The following LRBA variants were observed in gnomAD, a reference collection of about 807,000 sequenced individuals.
LRBA encodes lipopolysaccharide-responsive and beige-like anchor protein.
In LRBA, 176 loss-of-function variants were observed where a neutral mutation model predicts 330.0. That is an observed-to-expected ratio of 0.53 (90% confidence interval 0.47 to 0.60). LRBA has a LOEUF of 0.60. LRBA is among the 20% of genes least tolerant of loss of function. The probability of loss-of-function intolerance (pLI) is 0.00; values close to 1 mark genes in which losing one functional copy is unlikely to be tolerated. For synonymous variants in LRBA, 1,230 were observed against 1,193.0 expected (o/e 1.03, Z -0.64); for missense variants, 3,259 against 3,444.8 (o/e 0.95, Z 1.35).
At chr4:150,848,442 G>T (rs1303467499) in intron 26 of LRBA, among the ~76,000 whole-genome samples, 1 of 151,672 alleles carries the variant, frequency 6.6e-6, no homozygotes, top group Non-Finnish European at 1.5e-5. Context: ...AGCAAAAAGA[G>T]ATAGGGGAGC....
intron 2 of LRBA, among the ~76,000 whole-genome samples, chr4:150,981,410 CA>C (rs58638225): frequency 0.76 from 80,693 of 106,378 alleles, 29,634 homozygotes; most frequent in East Asian, 0.93. Flanking sequence ...GAGACTGTCT[CA>C]AAAAAAAAAA....
intron 36 of LRBA, among the ~76,000 whole-genome samples, chr4:150,719,268 C>G (rs1158582679): frequency 1.3e-5 from 2 of 151,958 alleles, no homozygotes; most frequent in East Asian, 3.9e-4. Context: ...CTCCATCATT[C>G]TCTCTCATTC....
At chr4:150,541,870 A>G (rs904931891) in intron 40 of LRBA, among the ~76,000 whole-genome samples, 4 of 152,080 alleles carry the variant, frequency 2.6e-5, no homozygotes, top group Non-Finnish European at 4.4e-5. Context: ...TTTTTTGTAG[A>G]GGCAGTGTCT....
chr4:150,488,519 A>G (rs1192768761), intron 41 of LRBA, among the ~76,000 whole-genome samples: 1 of 151,628 alleles, frequency 6.6e-6, no homozygotes, highest in Non-Finnish European at 1.5e-5. Context: ...ACCAAGAAGT[A>G]CATGTCAATA....
intron 36 of LRBA, among the ~76,000 whole-genome samples, chr4:150,698,017 ATCAAC>A (rs1784793530): frequency 6.6e-6 from 1 of 152,174 alleles, no homozygotes; most frequent in African/African-American, 2.4e-5. Flanking sequence ...AACTATTTTT[ATCAAC>A]TCAAGTATTT....
chr4:150,349,168 T>C (rs896986502), intron 48 of LRBA, among the ~76,000 whole-genome samples: 4 of 152,176 alleles, frequency 2.6e-5, no homozygotes, highest in African/African-American at 9.7e-5. Context: ...ACCTTCCGCA[T>C]GATCAGATCT....
chr4:150,936,001 T>A (rs1172667792), intron 2 of LRBA, among the ~76,000 whole-genome samples: 1 of 151,934 alleles, frequency 6.6e-6, no homozygotes, highest in Non-Finnish European at 1.5e-5. Context: ...ATAAAGTATT[T>A]TCAATTTGGT....
At chr4:150,719,004 C>A (rs1728589437) in intron 36 of LRBA, among the ~76,000 whole-genome samples, 1 of 152,046 alleles carries the variant, frequency 6.6e-6, no homozygotes, top group Admixed American at 6.6e-5. Flanking sequence ...TCAGTACTAT[C>A]TCAGAGGTTT....
intron 37 of LRBA, among the ~76,000 whole-genome samples, chr4:150,602,459 C>T (rs945933813): frequency 4.6e-5 from 7 of 152,056 alleles, no homozygotes; most frequent in Non-Finnish European, 1.0e-4. Flanking sequence ...TATTTAATAA[C>T]TAGCATATTT....
chr4:150,639,846 T>TGG (rs1778475645), intron 37 of LRBA, among the ~76,000 whole-genome samples: 1 of 69,104 alleles, frequency 1.4e-5, no homozygotes, highest in Non-Finnish European at 2.7e-5. Context: ...TATATATATA[T>TGG]ATATATATAT....
intron 53 of LRBA, among the ~76,000 whole-genome samples, chr4:150,286,672 T>C (rs1398016124): frequency 1.3e-5 from 2 of 152,154 alleles, no homozygotes; most frequent in East Asian, 3.9e-4. Flanking sequence ...CAGATAGTGA[T>C]TGAAAATGAG....
intron 34 of LRBA, among the ~76,000 whole-genome samples, chr4:150,762,073 C>G (rs779911581): frequency 4.6e-5 from 7 of 151,962 alleles, no homozygotes; most frequent in Middle Eastern, 3.4e-3. Flanking sequence ...TTTATCTTGC[C>G]CTTTTCATTA....
intron 54 of LRBA, among the ~76,000 whole-genome samples, chr4:150,283,327 A>G (rs1747775643): frequency 6.6e-6 from 1 of 152,212 alleles, no homozygotes; most frequent in Admixed American, 6.5e-5. Context: ...CACCAGGCCA[A>G]GGTGCCAGAG....
intron 48 of LRBA, among the ~76,000 whole-genome samples, chr4:150,348,939 A>G (rs1426093604): frequency 6.6e-6 from 1 of 152,166 alleles, no homozygotes; most frequent in African/African-American, 2.4e-5. Context: ...CCCCAGAAGG[A>G]GTATTTTCAA....
chr4:150,664,773 T>C (rs1781424203), intron 37 of LRBA, among the ~76,000 whole-genome samples: 1 of 152,204 alleles, frequency 6.6e-6, no homozygotes, highest in Admixed American at 6.5e-5. Context: ...CAAACTTACC[T>C]CATGAGATAA....
intron 35 of LRBA, among the ~76,000 whole-genome samples, chr4:150,749,389 G>A (rs1164172507): frequency 6.6e-6 from 1 of 152,114 alleles, no homozygotes; most frequent in Non-Finnish European, 1.5e-5. Context: ...GGGCAACATA[G>A]AGAGACTCCA....
At chr4:150,424,586 G>A (rs1749290260) in intron 46 of LRBA, among the ~76,000 whole-genome samples, 1 of 152,192 alleles carries the variant, frequency 6.6e-6, no homozygotes, top group Non-Finnish European at 1.5e-5. Flanking sequence ...CAGGACACCA[G>A]GTGCCATCCC....
chr4:150,903,932 A>G (rs890263704), intron 13 of LRBA, among the ~76,000 whole-genome samples: 2 of 152,192 alleles, frequency 1.3e-5, no homozygotes, highest in African/African-American at 4.8e-5. Context: ...GTTCATCACC[A>G]TATCCACAGT....
At chr4:150,421,877 C>A (rs2151965567) in intron 46 of LRBA, among the ~76,000 whole-genome samples, 1 of 152,040 alleles carries the variant, frequency 6.6e-6, no homozygotes. Context: ...CTGGATCCTC[C>A]AGGGAAATAA....
Sources: allele counts gnomAD v4.1 joint callset (sites outside exome capture counted in the v4.1 genomes callset), GRCh38; gene constraint gnomAD v4.1.1; transcripts MANE v1.5; gene names NCBI Gene and HGNC (gene_info 2026-07-23, HGNC 2026-07-21).